The following CCSER1 variants were observed in gnomAD, a reference collection of about 807,000 sequenced individuals.
CCSER1 encodes the protein serine-rich coiled-coil domain-containing protein 1.
Under a neutral mutation model 82.0 loss-of-function variants are expected in CCSER1, and 41 were observed. That is an observed-to-expected ratio of 0.50 (90% CI 0.39 to 0.65). The LOEUF (loss-of-function observed/expected upper bound fraction) is 0.65, where lower values mean the gene tolerates loss of function less well. Among genes scored for constraint, CCSER1 ranks in the 30% least tolerant of loss-of-function variants. CCSER1 has a pLI of 0.00. For missense variants in CCSER1, 1,119 were observed against 1,064.2 expected (o/e 1.05, Z -0.72); for synonymous variants, 414 against 383.9 (o/e 1.08, Z -0.92).
intron 10 of CCSER1, among the ~76,000 whole-genome samples, chr4:91,538,019 AATT>A (rs1268468939): frequency 1.3e-5 from 2 of 152,054 alleles, no homozygotes; most frequent in Non-Finnish European, 2.9e-5. Context: ...GATAGACACT[AATT>A]ATGTTTGACT....
chr4:91,405,739 G>A lies in CCSER1; in HGVS notation c.2218-192833G>A, dbSNP rs576710506. Among the ~76,000 whole-genome samples, 8 of 152,306 alleles carry A rather than the reference G, an allele frequency of 5.3e-5. No homozygotes were observed. The South Asian group carries it at 1.7e-3, about 32-fold the overall frequency. On this transcript the variant is annotated intron_variant, in intron 10 of 10. Coordinates refer to ENST00000509176, the MANE Select transcript of CCSER1 (RefSeq NM_001145065.2). ...AGACCGTTGGAAAAGCACAGTATTA[G>A]GGTAAGAGTGTCCGAATTTTCCAGG...
At chr4:90,369,783 C>G (rs1747054491) in intron 3 of CCSER1, among the ~76,000 whole-genome samples, 1 of 151,932 alleles carries the variant, frequency 6.6e-6, no homozygotes, top group African/African-American at 2.4e-5. Context: ...TTATATTACA[C>G]TCTAAGAAAT....
At chr4:90,174,239 TACC>T (rs1169833912) in intron 1 of CCSER1, among the ~76,000 whole-genome samples, 1 of 151,918 alleles carries the variant, frequency 6.6e-6, no homozygotes, top group Admixed American at 6.6e-5. Context: ...AATCTGTATA[TACC>T]AGGAGTTTAC....
At chr4:90,527,141 T>G (rs907936686) in intron 5 of CCSER1, among the ~76,000 whole-genome samples, 2 of 152,122 alleles carry the variant, frequency 1.3e-5, no homozygotes, top group African/African-American at 4.8e-5. Context: ...CAAAAGAAAC[T>G]ATCATCAGAG....
intron 8 of CCSER1, among the ~76,000 whole-genome samples, chr4:90,824,772 A>G (rs948118204): frequency 1.3e-5 from 2 of 152,206 alleles, no homozygotes; most frequent in Non-Finnish European, 2.9e-5. Context: ...GGACAGCTGT[A>G]AGTACTTTCA....
At chr4:90,830,881 A>T (rs1761036899) in intron 8 of CCSER1, among the ~76,000 whole-genome samples, 1 of 152,150 alleles carries the variant, frequency 6.6e-6, no homozygotes, top group Non-Finnish European at 1.5e-5. Context: ...CTGAGGAGTG[A>T]ATCATATCTA....
At chr4:90,731,280 T>C (rs1213811707) in intron 7 of CCSER1, among the ~76,000 whole-genome samples, 1 of 152,224 alleles carries the variant, frequency 6.6e-6, no homozygotes, top group Non-Finnish European at 1.5e-5. Context: ...TACAAATAGA[T>C]AGCATGATAC....
intron 3 of CCSER1, among the ~76,000 whole-genome samples, chr4:90,390,796 T>A (rs1750870527): frequency 6.6e-6 from 1 of 152,216 alleles, no homozygotes; most frequent in African/African-American, 2.4e-5. Context: ...CTTTTTGATA[T>A]ATACCAGTAA....
chr4:91,349,790 G>C (rs1345908221), intron 10 of CCSER1, among the ~76,000 whole-genome samples: 2 of 135,032 alleles, frequency 1.5e-5, no homozygotes, highest in African/African-American at 3.9e-5. Context: ...TGGGGGCCTC[G>C]TAAGATTGAG....
chr4:90,689,001 G>C (rs1182386011), intron 6 of CCSER1, among the ~76,000 whole-genome samples: 1 of 152,094 alleles, frequency 6.6e-6, no homozygotes, highest in African/African-American at 2.4e-5. Flanking sequence ...ACAAGTGTTT[G>C]AGTTAAAACA....
intron 5 of CCSER1, among the ~76,000 whole-genome samples, chr4:90,514,687 C>T (rs1050397844): frequency 6.6e-6 from 1 of 151,786 alleles, no homozygotes; most frequent in African/African-American, 2.4e-5. Context: ...ACGCAGGAGG[C>T]GGAGGTTACA....
chr4:91,215,526 T>G (rs1737172074), intron 10 of CCSER1, among the ~76,000 whole-genome samples: 2 of 152,114 alleles, frequency 1.3e-5, no homozygotes, highest in Admixed American at 1.3e-4. Context: ...AGTCCCATGT[T>G]CAAGGGTAGG....
intron 10 of CCSER1, among the ~76,000 whole-genome samples, chr4:91,592,271 A>T (rs995395538): frequency 6.6e-6 from 1 of 152,138 alleles, no homozygotes; most frequent in African/African-American, 2.4e-5. Flanking sequence ...TTATAAAACT[A>T]TCTGATCTCG....
chr4:91,166,442 G>T (rs1198442195), intron 10 of CCSER1, among the ~76,000 whole-genome samples: 2 of 152,066 alleles, frequency 1.3e-5, no homozygotes, highest in Non-Finnish European at 2.9e-5. Context: ...CTCTAATCAA[G>T]AAGATAGCCA....
rs548101587 is a variant in CCSER1, at chr4:91,296,595, T to C, written c.2217+210601T>C. ...TATATAGTTAACATATAGTTATGTG[T>C]ATAATAGTTGAATATATAGGTATAT... On this transcript the variant is annotated intron_variant, in intron 10 of 10. Coordinates refer to ENST00000509176, the MANE Select transcript of CCSER1 (RefSeq NM_001145065.2). 3.0e-3 allele frequency among the ~76,000 whole-genome samples: 440 copies of C among 148,710 alleles called. 1 individual carries two copies. The highest frequency in any genetic ancestry group is 0.01 in the African/African-American group (408 of 40,790).
At chr4:91,194,649 T>C (rs1331275973) in intron 10 of CCSER1, among the ~76,000 whole-genome samples, 1 of 152,034 alleles carries the variant, frequency 6.6e-6, no homozygotes, top group South Asian at 2.1e-4. Context: ...CTTTGTTTCA[T>C]TATACCAAAT....
intron 1 of CCSER1, among the ~76,000 whole-genome samples, chr4:90,234,291 A>G (rs1213236641): frequency 6.6e-6 from 1 of 150,420 alleles, no homozygotes; most frequent in African/African-American, 2.5e-5. Context: ...ATCTCAGCTC[A>G]CTGCAAAGTT....
At chr4:90,220,457 A>T in intron 1 of CCSER1, among the ~76,000 whole-genome samples, 1 of 148,006 alleles carries the variant, frequency 6.8e-6, no homozygotes, top group Non-Finnish European at 1.5e-5. Context: ...TTTCTTTTTG[A>T]TTTGCTTTTT....
At chr4:90,407,374 C>CA (rs1753883817) in intron 4 of CCSER1, among the ~76,000 whole-genome samples, 1 of 151,942 alleles carries the variant, frequency 6.6e-6, no homozygotes, top group South Asian at 2.1e-4. Flanking sequence ...AAACTGTCAA[C>CA]AAAAAAAGTT....
Sources: allele counts gnomAD v4.1 joint callset (sites outside exome capture counted in the v4.1 genomes callset), GRCh38; gene constraint gnomAD v4.1.1; transcripts MANE v1.5; gene names NCBI Gene and HGNC (gene_info 2026-07-23, HGNC 2026-07-21).